The following GRIN2A variants were observed in gnomAD, a reference collection of about 807,000 sequenced individuals.
The protein encoded by GRIN2A is glutamate ionotropic receptor NMDA type subunit 2A.
Under a neutral mutation model 113.4 loss-of-function variants are expected in GRIN2A, and 22 were observed. The observed-to-expected ratio is 0.19, with a 90% CI of 0.14 to 0.28. GRIN2A has a LOEUF of 0.28. GRIN2A is among the 10% of genes least tolerant of loss of function. The pLI, the probability that GRIN2A is intolerant of heterozygous loss-of-function variation, is 1.00. For missense variants in GRIN2A, 1,502 were observed against 1,887.0 expected, an observed-to-expected ratio of 0.80 and a Z score of 3.78; for synonymous variants, 827 against 738.4, an observed-to-expected ratio of 1.12 and a Z score of -1.94.
At chr16:9,813,613 A>C (rs1296483213) in intron 10 of GRIN2A, among the ~76,000 whole-genome samples, 1 of 151,208 alleles carries the variant, frequency 6.6e-6, no homozygotes, top group African/African-American at 2.4e-5. Context: ...ACTTTAAAAA[A>C]AGTTTTTATA....
chr16:9,911,316 C>T (rs1008728728), intron 3 of GRIN2A, among the ~76,000 whole-genome samples: 32 of 152,106 alleles, frequency 2.1e-4, no homozygotes, highest in African/African-American at 6.8e-4. Flanking sequence ...GAGAGATGCT[C>T]GTCTCTAAAA....
At chr16:9,919,817 G>A (rs933501431) in intron 3 of GRIN2A, among the ~76,000 whole-genome samples, 2 of 152,168 alleles carry the variant, frequency 1.3e-5, no homozygotes, top group African/African-American at 4.8e-5. Flanking sequence ...TGACCATCAT[G>A]CTGCTCCTCA....
rs551688681 is a variant in GRIN2A at position 9,829,646 on chromosome 16, T to C, written c.1784A>G (p.His595Arg). 1.9e-6 allele frequency: 3 copies of C among 1,610,310 alleles called. No homozygotes were observed. Among genetic ancestry groups the C allele is most frequent in the Admixed American group, 1.7e-5 (1 of 59,994 alleles). The change falls in exon 9 of 13, where the codon CAT becomes CGT. Residue 595 changes from histidine to arginine, a missense_variant. By Grantham distance (29) the His-to-Arg change is conservative. This residue lies in a region of GRIN2A where 82 missense variants were observed against 222.7 expected (regional missense o/e 0.37). Coordinates refer to ENST00000330684, the MANE Select transcript of GRIN2A (RefSeq NM_001134407.3). The stretch of plus-strand genomic sequence containing the variant: ...TTTTCCAATTGTAAAAGAAGGCCCA[T>C]GGGGTGCTGCAGAAGATGAAAAGGA... ...NRNLAKGKAP[H>R]GPSFTIGKAI...
chr16:9,783,743 G>A (rs965706178), intron 11 of GRIN2A, among the ~76,000 whole-genome samples: 1 of 152,180 alleles, frequency 6.6e-6, no homozygotes, highest in Admixed American at 6.5e-5. Flanking sequence ...ACTGATATGT[G>A]TACTCAACGT....
chr16:9,816,257 A>G (rs1297935551), intron 10 of GRIN2A, among the ~76,000 whole-genome samples: 1 of 152,236 alleles, frequency 6.6e-6, no homozygotes. Flanking sequence ...GAAGATGGCA[A>G]ATTTTACTCT....
intron 3 of GRIN2A, among the ~76,000 whole-genome samples, chr16:9,893,218 T>C (rs955293485): frequency 6.6e-6 from 1 of 152,210 alleles, no homozygotes; most frequent in African/African-American, 2.4e-5. Context: ...ATGCTTACTA[T>C]TTAATGTTAA....
intron 2 of GRIN2A, among the ~76,000 whole-genome samples, chr16:10,053,178 A>C (rs2047388536): frequency 6.6e-6 from 1 of 152,246 alleles, no homozygotes; most frequent in Non-Finnish European, 1.5e-5. Flanking sequence ...GGATGGAGAC[A>C]GAAAGCTTTT....
At chr16:9,960,466 A>G (rs1406524902) in intron 2 of GRIN2A, among the ~76,000 whole-genome samples, 3 of 152,198 alleles carry the variant, frequency 2.0e-5, no homozygotes, top group Admixed American at 6.5e-5. Flanking sequence ...CAAATTTTCC[A>G]TAATTAGCCT....
chr16:10,063,353 C>A (rs1190398964), intron 2 of GRIN2A, among the ~76,000 whole-genome samples: 1 of 152,098 alleles, frequency 6.6e-6, no homozygotes, highest in Non-Finnish European at 1.5e-5. Context: ...TCCACTGGAT[C>A]TAAAATAAAA....
At chr16:9,854,578 G>A (rs1249000965) in intron 4 of GRIN2A, among the ~76,000 whole-genome samples, 1 of 152,138 alleles carries the variant, frequency 6.6e-6, no homozygotes, top group African/African-American at 2.4e-5. Context: ...GCACTTTGAA[G>A]ATGGCAGCCA....
chr16:9,822,584 CT>C (rs997787068), intron 9 of GRIN2A, among the ~76,000 whole-genome samples, 160 bp from the exon 10 acceptor site: 31 of 152,190 alleles, frequency 2.0e-4, no homozygotes, highest in African/African-American at 7.2e-4. Context: ...GCTTTTTGGT[CT>C]TTCTTTCTAC....
intron 3 of GRIN2A, among the ~76,000 whole-genome samples, chr16:9,922,723 A>G (rs2044380481): frequency 6.6e-6 from 1 of 152,116 alleles, no homozygotes; most frequent in Non-Finnish European, 1.5e-5. Context: ...TTGAGTAAAG[A>G]GTCGTTTTTA....
chr16:10,043,281 C>G (rs1319973783), intron 2 of GRIN2A, among the ~76,000 whole-genome samples: 2 of 152,140 alleles, frequency 1.3e-5, no homozygotes, highest in African/African-American at 4.8e-5. Context: ...AGAGGCACCG[C>G]TAGGATTCAG....
At chr16:10,103,820 T>G (rs1286103561) in intron 2 of GRIN2A, among the ~76,000 whole-genome samples, 4 of 152,214 alleles carry the variant, frequency 2.6e-5, no homozygotes, top group Non-Finnish European at 5.9e-5. Context: ...TAGAGCACCA[T>G]GGAATGTATC....
intron 2 of GRIN2A, among the ~76,000 whole-genome samples, chr16:10,093,940 A>G (rs1226211323): frequency 1.3e-5 from 2 of 152,208 alleles, no homozygotes; most frequent in African/African-American, 4.8e-5. Context: ...CCTTGTATCA[A>G]TGAGAATGAA....
At chr16:10,147,546 G>A (rs1024533402) in intron 2 of GRIN2A, among the ~76,000 whole-genome samples, 2 of 151,244 alleles carry the variant, frequency 1.3e-5, no homozygotes, top group African/African-American at 4.9e-5. Flanking sequence ...TGAGGTGGGA[G>A]GATCTCTTGA....
At chr16:9,809,830 G>C (rs2042051990) in intron 10 of GRIN2A, among the ~76,000 whole-genome samples, 1 of 152,242 alleles carries the variant, frequency 6.6e-6, no homozygotes, top group African/African-American at 2.4e-5. Context: ...CACTTTGGGA[G>C]GCTGAGGAGG....
In GRIN2A at chr16:10,180,441, AGAGT is replaced by A; in HGVS notation, c.-18-16_-18-13del. 6.3e-7 allele frequency: 1 copy of A among 1,598,050 alleles called. No homozygotes were observed. Among genetic ancestry groups the A allele is most frequent in the Non-Finnish European group, 8.5e-7 (1 of 1,177,480 alleles). On this transcript the variant is annotated splice_polypyrimidine_tract_variant and intron_variant, in intron 1 of 12. Coordinates refer to ENST00000330684, the MANE Select transcript of GRIN2A (RefSeq NM_001134407.3). The surrounding 1 kb of genome is among the most constrained non-coding windows in gnomAD (Gnocchi z 7.0). ...GCCACTGACGGTCCCTGCAAGGTGA[AGAGT>A]GAGAGGCAGGGCCGCGGTGAGCAAG...
intron 12 of GRIN2A, among the ~76,000 whole-genome samples, chr16:9,767,744 T>C (rs1901010311): frequency 6.6e-6 from 1 of 152,256 alleles, no homozygotes; most frequent in Non-Finnish European, 1.5e-5. Context: ...CTGTTGTTTA[T>C]GTTGAGTTGA....
Sources: allele counts gnomAD v4.1 joint callset (sites outside exome capture counted in the v4.1 genomes callset), GRCh38; gene constraint gnomAD v4.1.1; regional missense constraint gnomAD v4.1.1; non-coding constraint Gnocchi (gnomAD v3.1); transcripts MANE v1.5; gene names NCBI Gene and HGNC (gene_info 2026-07-23, HGNC 2026-07-21).